The following PEX6 variants were observed in gnomAD, a reference collection of about 807,000 sequenced individuals.
PEX6 encodes the protein peroxisomal biogenesis factor 6.
A neutral mutation model predicts 85.6 loss-of-function variants in PEX6; 55 were observed. That is an observed-to-expected ratio of 0.64 (90% CI 0.52 to 0.80). PEX6 has a LOEUF of 0.80. PEX6 is among the 30% of genes least tolerant of loss of function. The pLI is 0.00. For missense variants in PEX6, 1,099 were observed against 1,260.3 expected (o/e 0.87, Z 1.94); for synonymous variants, 519 against 549.1 (o/e 0.95, Z 0.77).
At chr6:42,977,892 G>A (rs1770370200) in intron 1 of PEX6, among the ~76,000 whole-genome samples, 1 of 144,730 alleles carries the variant, frequency 6.9e-6, no homozygotes, top group Non-Finnish European at 1.5e-5. Context: ...CGCCCAGGCT[G>A]GAGTCCAATG....
Position 42,978,477 on chromosome 6 carries a change from A to G in PEX6, c.674T>C (p.Val225Ala). Residue 225 changes from valine (V) to alanine (A), a missense_variant, in exon 1 of 17, where the codon GTG (valine) becomes GCG (alanine). Val to Ala is a moderately conservative substitution (Grantham distance 64, BLOSUM62 0). This residue lies in a region of PEX6 where 579 missense variants were observed against 611.6 expected (regional missense o/e 0.95). Transcript: ENST00000304611. Reference sequence around the variant, plus strand: ...GTTCGATGACTCTCTGGCCTGGGCCACCCACACCCATTCGCCCTGGAAGAG... The same window carrying G: ...GTTCGATGACTCTCTGGCCTGGGCCGCCCACACCCATTCGCCCTGGAAGAG... ...LGLFQGEWVW[V>A]AQARESSNTS... 2 of 1,614,078 alleles carry G rather than the reference A, an allele frequency of 1.2e-6. No homozygotes were observed. The highest frequency in any genetic ancestry group is 1.7e-6 in the Non-Finnish European group (2 of 1,180,022).
intron 3 of PEX6, among the ~76,000 whole-genome samples, chr6:42,972,788 AG>A (rs61255312): frequency 0.1 from 4,146 of 41,586 alleles, 163 homozygotes; most frequent in African/African-American, 0.33. Context: ...AAAAAAAAAA[AG>A]AGAAATCCCT....
Position 42,978,230 on chromosome 6 carries a change from G to C in PEX6, c.882+39C>G, listed in dbSNP as rs201469016. On this transcript the variant is annotated intron_variant, in intron 1 of 16. Transcript: ENST00000304611. ...ACCTAAGACAGAGAAGAGGGTATAAGAAAGAGGAAGCACTCCTGACCCCAG... is the reference window on the plus strand; with the variant it reads ...ACCTAAGACAGAGAAGAGGGTATAACAAAGAGGAAGCACTCCTGACCCCAG... 1.6e-5 allele frequency: 25 copies of C among 1,608,600 alleles called. No individual in the cohort carries two copies. In the East Asian group the frequency reaches 5.3e-4, roughly 34 times the overall value.
At chr6:42,977,607 C>T (rs188463425) in intron 1 of PEX6, among the ~76,000 whole-genome samples, 1 of 151,628 alleles carries the variant, frequency 6.6e-6, no homozygotes, top group Admixed American at 6.6e-5. Context: ...GGTGAAACCC[C>T]GTCTCTACTA....
chr6:42,970,993 G>A (rs1003315405), intron 3 of PEX6, among the ~76,000 whole-genome samples: 6 of 152,182 alleles, frequency 3.9e-5, no homozygotes, highest in African/African-American at 1.2e-4. Flanking sequence ...AAGAAATCAT[G>A]AACTACTTCC....
chr6:42,969,747 AG>A lies in PEX6; in HGVS notation c.1287del (p.Trp430GlyfsTer20), dbSNP rs1258472160. On this transcript the variant is annotated frameshift_variant, in exon 5 of 17. Coordinates refer to ENST00000304611, the MANE Select transcript of PEX6 (RefSeq NM_000287.4). LOFTEE classifies it high-confidence loss of function. ...AGGCCTGGAGGAGACAAACTGCTCC[AG>A]AGAGTGGATTCCTCTGAAGGGAGCC... ...VPWLPSEESTLWSSLSPPGLE... is the reference protein window; with the variant it reads ...VPWLPSEESTXWSSLSPPGLE... The A allele has an allele frequency of 2.5e-6, 4 of 1,613,822 alleles. No homozygotes were observed. The highest frequency in any genetic ancestry group is 1.3e-5 in the African/African-American group (1 of 74,932).
rs1229021041 is a variant in PEX6 at position 42,978,374 on chromosome 6, A to G, written c.777T>C (p.Ser259=). The change falls in exon 1 of 17, where the codon TCT becomes TCC. Residue 259 remains serine, a synonymous_variant. Coordinates refer to ENST00000304611, the MANE Select transcript of PEX6 (RefSeq NM_000287.4). The part of the protein sequence containing the change: ...WDLSDRLGPG[S]GPLGEPLADG... ...CAGCGAGGGGCTCTCCCAGCGGTCC[A>G]GAGCCGGGTCCCAGTCTATCAGAGA... 1.9e-6 allele frequency: 3 copies of G among 1,614,114 alleles called. No individual in the cohort carries two copies. The African/African-American group carries it at 4.0e-5, about 22-fold the overall frequency.
intron 1 of PEX6, among the ~76,000 whole-genome samples, chr6:42,976,727 G>C (rs1770315377): frequency 2.6e-5 from 4 of 151,952 alleles, no homozygotes; most frequent in Admixed American, 1.3e-4. Flanking sequence ...TGGCGAACTG[G>C]TGAGTCTTTA....
At chr6:42,977,944 A>C (rs1770373643) in intron 1 of PEX6, among the ~76,000 whole-genome samples, 1 of 147,768 alleles carries the variant, frequency 6.8e-6, no homozygotes, top group Admixed American at 6.8e-5. Context: ...CCCAGGTTCA[A>C]GCGATTCTCC....
chr6:42,968,748 C>G lies in PEX6; in HGVS notation c.1479+126G>C. ...CTCAGCATCATGGGAATATGCCTGA[C>G]CCACTGGGCTGAAGTGCTAGGGCCT... On this transcript the variant is annotated intron_variant, in intron 6 of 16. Coordinates refer to ENST00000304611, the MANE Select transcript of PEX6 (RefSeq NM_000287.4). 7.2e-6 allele frequency: 6 copies of G among 830,722 alleles called. No individual in the cohort carries two copies. In the East Asian group the frequency reaches 1.5e-4, roughly 20 times the overall value. 51.5% of individuals were successfully genotyped at this position (830,722 alleles called of 1,614,324 possible).
intron 2 of PEX6, 64 bp from the exon 3 acceptor site, chr6:42,974,150 C>T: frequency 8.2e-7 from 1 of 1,219,642 alleles, no homozygotes; most frequent in South Asian, 1.2e-5. Context: ...TTCATTACCA[C>T]ATGTCCACCC....
chr6:42,974,467 T>G (rs1404794503), intron 2 of PEX6, among the ~76,000 whole-genome samples: 3 of 140,150 alleles, frequency 2.1e-5, no homozygotes, highest in South Asian at 2.4e-4. Flanking sequence ...TTTTTTTTTT[T>G]TTTTTTTTGA....
chr6:42,968,910 A>G lies in PEX6; in HGVS notation c.1443T>C (p.Ala481=). ...PPGCGKTTVV[A]AACSHLGLHL... Reference sequence around the variant, plus strand: ...GGAGCCCAAGGTGACTACAGGCAGCAGCAACTACTGTGGTCTTCCCACAGC... The same window carrying G: ...GGAGCCCAAGGTGACTACAGGCAGCGGCAACTACTGTGGTCTTCCCACAGC... Residue 481 remains alanine (A), a synonymous_variant, in exon 6 of 17, where the codon GCT becomes GCC. Transcript: ENST00000304611. 1 of 1,614,110 alleles carries G rather than the reference A, an allele frequency of 6.2e-7. No homozygotes were observed.
chr6:42,974,440 A>ATTTTTTT (rs1770185303), intron 2 of PEX6, among the ~76,000 whole-genome samples: 2 of 94,070 alleles, frequency 2.1e-5, no homozygotes, highest in Non-Finnish European at 4.3e-5. Flanking sequence ...TCTGTCTGAA[A>ATTTTTTT]TGTTTTTTTT....
Position 42,963,994 on chromosome 6 carries a change from T to C in PEX6, c.*341A>G. ...TGCTCTTTCTCACTCCAACCTTTCA[T>C]GCCACAACACCAGTAGGGGGCGGGA... On this transcript the variant is annotated 3_prime_UTR_variant, in exon 17 of 17. Transcript: ENST00000304611. 4.8e-6 allele frequency: 2 copies of C among 413,012 alleles called. No individual in the cohort carries two copies. Among genetic ancestry groups the C allele is most frequent in the Non-Finnish European group, 9.0e-6 (2 of 221,012 alleles). 25.6% of individuals were successfully genotyped at this position (413,012 alleles called of 1,614,324 possible).
chr6:42,966,400 C>T lies in PEX6; in HGVS notation c.2142G>A (p.Lys714=), dbSNP rs371619603. 1.2e-6 allele frequency: 2 copies of T among 1,614,154 alleles called. No individual in the cohort carries two copies. The highest frequency in any genetic ancestry group is 1.7e-6 in the Non-Finnish European group (2 of 1,180,020). Reference sequence around the variant, plus strand: ...GCTGAATGGTCTCCAGGATCTCCTTCTTCACCTCCTGCAGCCCACCCACAT... The same window carrying T: ...GCTGAATGGTCTCCAGGATCTCCTTTTTCACCTCCTGCAGCCCACCCACAT... The part of the protein sequence containing the change: ...WHDVGGLQEV[K]KEILETIQLP... The change falls in exon 11 of 17, where the codon AAG becomes AAA. Residue 714 remains lysine (K), a synonymous_variant. Transcript: ENST00000304611.
At chr6:42,977,020 T>C (rs1192485061) in intron 1 of PEX6, among the ~76,000 whole-genome samples, 1 of 152,144 alleles carries the variant, frequency 6.6e-6, no homozygotes, top group Non-Finnish European at 1.5e-5. Context: ...TGTGAGATCA[T>C]GAAAGGCTTT....
rs1769649832 is a variant in PEX6 at position 42,964,453 on chromosome 6, G to A, written c.2825C>T (p.Ser942Leu). The change falls in exon 17 of 17, where the codon TCA (serine) becomes TTA (leucine). Residue 942 changes from serine (S) to leucine (L), a missense_variant. Physicochemically the swap from Ser to Leu is moderately radical, Grantham distance 145 (BLOSUM62 -2). Transcript: ENST00000304611. This position sits in a 1 kb window ranked among gnomAD's most constrained non-coding sequence, Gnocchi z 4.6. ...DLEEGLEPGS[S>L]ALMLTMEDLL... ...GTCCTCCATGGTGAGCATCAGTGCT[G>A]AGCTACCTGGCTCCAGCCCTGGAGA... The A allele has an allele frequency of 6.2e-7, 1 of 1,613,742 alleles. No homozygotes were observed. The highest frequency in any genetic ancestry group is 8.5e-7 in the Non-Finnish European group (1 of 1,180,028).
chr6:42,969,866 C>T lies in PEX6; in HGVS notation c.1233+19G>A, dbSNP rs989072078. On this transcript the variant is annotated intron_variant, in intron 4 of 16. Coordinates refer to ENST00000304611, the MANE Select transcript of PEX6 (RefSeq NM_000287.4). ...TTTCTACCCCCTGCGCTGGTCTACACCCATCCTTGGGGCCTCACCATGTAC... is the reference window on the plus strand; with the variant it reads ...TTTCTACCCCCTGCGCTGGTCTACATCCATCCTTGGGGCCTCACCATGTAC... 5 of 1,614,150 alleles carry T rather than the reference C, an allele frequency of 3.1e-6. No individual in the cohort carries two copies. Among genetic ancestry groups the T allele is most frequent in the South Asian group, 1.1e-5 (1 of 91,090 alleles).
Sources: gnomAD v4.1 joint callset for allele counts (sites outside exome capture counted in the v4.1 genomes callset) on GRCh38, gnomAD v4.1.1 for gene constraint, gnomAD v4.1.1 regional missense constraint, Gnocchi (gnomAD v3.1) non-coding constraint, MANE v1.5 for transcripts, NCBI Gene and HGNC (gene_info 2026-07-23, HGNC 2026-07-21) for gene names.